The following DLGAP2 variants were observed in gnomAD, a reference collection of about 807,000 sequenced individuals.
DLGAP2 encodes the protein DLG associated protein 2.
DLGAP2 carries 26 observed loss-of-function variants against 100.3 expected under a neutral mutation model. The ratio of observed to expected loss-of-function variants is 0.26; its 90% confidence interval spans 0.19 to 0.36. The LOEUF (loss-of-function observed/expected upper bound fraction) is 0.36. Ranked by LOEUF, DLGAP2 falls within the 10% of genes least tolerant of loss-of-function variation. The probability of loss-of-function intolerance (pLI) is 1.00; values close to 1 mark genes in which losing one functional copy is unlikely to be tolerated. For missense variants in DLGAP2, 1,858 were observed against 1,453.2 expected (o/e 1.28, Z -4.53); for synonymous variants, 886 against 630.1 (o/e 1.41, Z -6.08).
chr8:1,200,739 G>C (rs1797852800), intron 2 of DLGAP2, among the ~76,000 whole-genome samples: 1 of 151,574 alleles, frequency 6.6e-6, no homozygotes, highest in African/African-American at 2.4e-5. Flanking sequence ...CCTGGATTCG[G>C]ACTTACAGAG....
chr8:1,312,413 A>C (rs1272930108), intron 3 of DLGAP2, among the ~76,000 whole-genome samples: 1 of 152,214 alleles, frequency 6.6e-6, no homozygotes, highest in Non-Finnish European at 1.5e-5. Flanking sequence ...CAGATTTGAC[A>C]ACATCTTTGC....
At chr8:1,475,162 A>T (rs1047154801) in intron 3 of DLGAP2, among the ~76,000 whole-genome samples, 1 of 152,190 alleles carries the variant, frequency 6.6e-6, no homozygotes, top group African/African-American at 2.4e-5. Context: ...GGAGCTAAAC[A>T]TTGGGCACAC....
At chr8:981,478 G>C (rs1800330072) in intron 2 of DLGAP2, among the ~76,000 whole-genome samples, 1 of 152,068 alleles carries the variant, frequency 6.6e-6, no homozygotes. Flanking sequence ...TGGTAAATCT[G>C]TTTAACCTTT....
chr8:798,314 G>C (rs1312965071), intron 1 of DLGAP2, among the ~76,000 whole-genome samples: 1 of 149,740 alleles, frequency 6.7e-6, no homozygotes, highest in African/African-American at 2.5e-5. Context: ...AGGGGTGCCT[G>C]CTTCCGTTGG....
chr8:856,205 T>G (rs1193406909), intron 1 of DLGAP2, among the ~76,000 whole-genome samples: 4 of 149,010 alleles, frequency 2.7e-5, no homozygotes, highest in Non-Finnish European at 5.9e-5. Flanking sequence ...TTTTTTTTTT[T>G]GAGATGGAGT....
At chr8:1,468,605 C>A (rs1167464503) in intron 3 of DLGAP2, among the ~76,000 whole-genome samples, 1 of 152,236 alleles carries the variant, frequency 6.6e-6, no homozygotes, top group African/African-American at 2.4e-5. Flanking sequence ...TCCCTCCACC[C>A]TTGAAGGAAA....
intron 2 of DLGAP2, among the ~76,000 whole-genome samples, chr8:948,158 C>A (rs1272782892): frequency 6.6e-6 from 1 of 152,248 alleles, no homozygotes; most frequent in Non-Finnish European, 1.5e-5. Flanking sequence ...CAGCTGTGGG[C>A]GTCCTGAACC....
rs185162201 is a variant in DLGAP2 at position 1,345,943 on chromosome 8, G to A, written c.106+87060G>A. Among the ~76,000 whole-genome samples, 342 of 152,306 alleles carry A rather than the reference G, an allele frequency of 2.2e-3. 1 individual carries two copies. The highest frequency in any genetic ancestry group is 7.9e-3 in the African/African-American group (327 of 41,566). ...CCAGGCAGGAAAGACACAAGGCAGCGCTTAACTTCCGAGCCCTTGAGCTGC... is the reference window on the plus strand; with the variant it reads ...CCAGGCAGGAAAGACACAAGGCAGCACTTAACTTCCGAGCCCTTGAGCTGC... On this transcript the variant is annotated intron_variant, in intron 3 of 14. Transcript: ENST00000637795.
At chr8:972,066 G>A (rs959307474) in intron 2 of DLGAP2, among the ~76,000 whole-genome samples, 4 of 152,068 alleles carry the variant, frequency 2.6e-5, no homozygotes, top group African/African-American at 9.7e-5. Context: ...GTCATCTTGG[G>A]GAAACCAAAA....
At chr8:1,449,578 C>T (rs73534608) in intron 3 of DLGAP2, among the ~76,000 whole-genome samples, 3 of 152,194 alleles carry the variant, frequency 2.0e-5, no homozygotes, top group Non-Finnish European at 4.4e-5. Context: ...AGACCCCGTT[C>T]CTGAGCTCCA....
chr8:1,073,217 C>G (rs1297353173), intron 2 of DLGAP2, among the ~76,000 whole-genome samples: 1 of 152,166 alleles, frequency 6.6e-6, no homozygotes, highest in Admixed American at 6.5e-5. Flanking sequence ...GATCATCTTT[C>G]TCTTCTGCTA....
chr8:775,145 G>C (rs1427878149), intron 1 of DLGAP2, among the ~76,000 whole-genome samples: 146 of 151,836 alleles, frequency 9.6e-4, no homozygotes, highest in African/African-American at 3.3e-3. Flanking sequence ...ATTTGGCTCT[G>C]TGTTTGTCTG....
chr8:1,091,097 C>T (rs1480837192), intron 2 of DLGAP2, among the ~76,000 whole-genome samples: 1 of 152,160 alleles, frequency 6.6e-6, no homozygotes, highest in Non-Finnish European at 1.5e-5. Flanking sequence ...GGGCAGCCTG[C>T]AGCGCCCAGA....
intron 3 of DLGAP2, among the ~76,000 whole-genome samples, chr8:1,309,347 G>A (rs1176987763): frequency 1.3e-5 from 2 of 152,108 alleles, no homozygotes; most frequent in African/African-American, 4.8e-5. Context: ...CCCAAAAGCA[G>A]CAGAAGAGAA....
intron 4 of DLGAP2, among the ~76,000 whole-genome samples, chr8:1,543,558 G>A (rs189024722): frequency 1.1e-3 from 170 of 152,266 alleles, no homozygotes; most frequent in African/African-American, 4.1e-3. Context: ...CTTGTGTGGG[G>A]CCCCACCCTT....
intron 8 of DLGAP2, among the ~76,000 whole-genome samples, chr8:1,640,258 C>A (rs1797865131): frequency 6.6e-6 from 1 of 152,098 alleles, no homozygotes; most frequent in African/African-American, 2.4e-5. Flanking sequence ...ACGCTGTGTG[C>A]AGGCTCAGAG....
intron 10 of DLGAP2, among the ~76,000 whole-genome samples, chr8:1,670,446 T>A (rs951614887): frequency 2.0e-5 from 3 of 152,210 alleles, no homozygotes; most frequent in Admixed American, 2.0e-4. Context: ...GCTCAGCCTG[T>A]GCCTTTACCC....
At chr8:1,561,059 T>G (rs1802141028) in intron 5 of DLGAP2, among the ~76,000 whole-genome samples, 1 of 152,166 alleles carries the variant, frequency 6.6e-6, no homozygotes, top group Admixed American at 6.5e-5. Context: ...GGGGTGGGTC[T>G]TTCCTGTGCT....
At chr8:841,467 G>A (rs768453095) in intron 1 of DLGAP2, among the ~76,000 whole-genome samples, 1 of 152,208 alleles carries the variant, frequency 6.6e-6, no homozygotes, top group Non-Finnish European at 1.5e-5. Flanking sequence ...GAACTCTGCT[G>A]TTTAGTGAAA....
Sources: allele counts gnomAD v4.1 joint callset (sites outside exome capture counted in the v4.1 genomes callset), GRCh38; gene constraint gnomAD v4.1.1; transcripts MANE v1.5; gene names NCBI Gene and HGNC (gene_info 2026-07-23, HGNC 2026-07-21).